Variants in OR2L8 observed in about 807,000 individuals in gnomAD.
OR2L8 encodes olfactory receptor family 2 subfamily L member 8.
For synonymous variants in OR2L8, 123 were observed against 138.6 expected (o/e 0.89, Z 0.79); for missense variants, 324 against 376.0 (o/e 0.86, Z 1.14).
rs972294674 is a variant in OR2L8, at chr1:247,949,793, G to A, written c.936G>A (p.Met312Ile). 6.2e-7 allele frequency: 1 copy of A among 1,608,100 alleles called. No homozygotes were observed. The highest frequency in any genetic ancestry group is 8.5e-7 in the Non-Finnish European group (1 of 1,176,070). The change falls in exon 1 of 1, where the codon ATG becomes ATA. Residue 312 changes from methionine (M) to isoleucine (I), a missense_variant. By Grantham distance (10) the Met-to-Ile change is conservative. Transcript: ENST00000623922. Reference sequence around the variant, plus strand: ...GTCAGAGAATCTGCTCTGTGAAAATGTAGAAACACTTTCTGCCTAAGGTCT... The same window carrying A: ...GTCAGAGAATCTGCTCTGTGAAAATATAGAAACACTTTCTGCCTAAGGTCT... ...RVSQRICSVK[M>I]
In OR2L8 at chr1:247,949,390, G is replaced by A. The variant is rs752780795; in HGVS notation, c.533G>A (p.Cys178Tyr). 1.2e-6 allele frequency: 2 copies of A among 1,614,110 alleles called. No individual in the cohort carries two copies. Among genetic ancestry groups the A allele is most frequent in the South Asian group, 2.2e-5 (2 of 91,082 alleles). The change falls in exon 1 of 1, where the codon TGT (cysteine) becomes TAT (tyrosine). Residue 178 changes from cysteine to tyrosine, a missense_variant. By Grantham distance (194) the Cys-to-Tyr change is radical. Coordinates refer to ENST00000623922, the MANE Select transcript of OR2L8 (RefSeq NM_001001963.1). ...TCCAGGGCCATCAATCATTTCTTCT[G>A]TGATGTCCCAGCAATGGTGACTCTG... is the stretch of plus-strand genomic sequence containing the variant. ...CRSRAINHFFCDVPAMVTLAC... is the reference protein window; with the variant it reads ...CRSRAINHFFYDVPAMVTLAC...
In OR2L8 at chr1:247,949,013, C is replaced by A. The variant is rs527380894; in HGVS notation, c.156C>A (p.Thr52=). 6 of 1,613,814 alleles carry A rather than the reference C, an allele frequency of 3.7e-6. No individual in the cohort carries two copies. In the African/African-American group the frequency reaches 8.0e-5, roughly 22 times the overall value. Reference sequence around the variant, plus strand: ...TGATTCTTCTCATCTTCTTGGACACCCATCTCCACACACCCATGTATTTCC... The same window carrying A: ...TGATTCTTCTCATCTTCTTGGACACACATCTCCACACACCCATGTATTTCC... ...LSMILLIFLD[T]HLHTPMYFLL... The change falls in exon 1 of 1, where the codon ACC becomes ACA. Residue 52 remains threonine (T), a synonymous_variant. Transcript: ENST00000623922.
chr1:247,949,737 A>G lies in OR2L8; in HGVS notation c.880A>G (p.Lys294Glu). 1 of 1,613,702 alleles carries G rather than the reference A, an allele frequency of 6.2e-7. No individual in the cohort carries two copies. Among genetic ancestry groups the G allele is most frequent in the Non-Finnish European group, 8.5e-7 (1 of 1,179,734 alleles). ...LNPIIYSLRN[K>E]EVMGALTRVS... ...CCCCATCATCTATAGCCTGAGGAAC[A>G]AGGAGGTGATGGGGGCCCTGACACG... Residue 294 changes from lysine (K) to glutamate (E), a missense_variant, in exon 1 of 1, where the codon AAG becomes GAG. Coordinates refer to ENST00000623922, the MANE Select transcript of OR2L8 (RefSeq NM_001001963.1).
Position 247,949,064 on chromosome 1 carries a change from C to G in OR2L8, c.207C>G (p.Asp69Glu). ...YFLLSQLSLI[D>E]LNYISTIVPK... ...TACTGAGTCAGCTCTCCCTCATTGACCTAAATTACATCTCCACCATTGTTC... is the reference window on the plus strand; with the variant it reads ...TACTGAGTCAGCTCTCCCTCATTGAGCTAAATTACATCTCCACCATTGTTC... Residue 69 changes from aspartate to glutamate, a missense_variant, in exon 1 of 1, where the codon GAC becomes GAG. Physicochemically the swap from Asp to Glu is conservative, Grantham distance 45 (BLOSUM62 2). Coordinates refer to ENST00000623922, the MANE Select transcript of OR2L8 (RefSeq NM_001001963.1). 1 of 1,613,932 alleles carries G rather than the reference C, an allele frequency of 6.2e-7. No individual in the cohort carries two copies. Among genetic ancestry groups the G allele is most frequent in the South Asian group, 1.1e-5 (1 of 91,080 alleles).
At position 247,949,313 on chromosome 1, in the gene OR2L8, G is replaced by C; in HGVS notation, c.456G>C (p.Ser152=). The C allele has an allele frequency of 6.2e-7, 1 of 1,614,152 alleles. No individual in the cohort carries two copies. Among genetic ancestry groups the C allele is most frequent in the Non-Finnish European group, 8.5e-7 (1 of 1,180,020 alleles). ...TAACAGGGTCTTGGATCATAGGCTC[G>C]ATCAATGCTTGTGCTCACACTGTAT... is the stretch of plus-strand genomic sequence containing the variant. ...LMITGSWIIG[S]INACAHTVYV... The change falls in exon 1 of 1, where the codon TCG becomes TCC. Residue 152 remains serine (S), a synonymous_variant. Coordinates refer to ENST00000623922, the MANE Select transcript of OR2L8 (RefSeq NM_001001963.1).
rs1265246917 is a variant in OR2L8, at chr1:247,949,504, C to T, written c.647C>T (p.Ser216Phe). The T allele has an allele frequency of 1.2e-6, 2 of 1,613,798 alleles. No homozygotes were observed. The highest frequency in any genetic ancestry group is 3.3e-5 in the Admixed American group (2 of 59,986). The change falls in exon 1 of 1, where the codon TCC becomes TTC. Residue 216 changes from serine (S) to phenylalanine (F), a missense_variant. Physicochemically the swap from Ser to Phe is radical, Grantham distance 155 (BLOSUM62 -2). Transcript: ENST00000623922. ...TTTCCCTTCATTGGTATTTCATGTTCCTATGGCCAGGTTCTCTTTGCTGTC... is the reference window on the plus strand; with the variant it reads ...TTTCCCTTCATTGGTATTTCATGTTTCTATGGCCAGGTTCTCTTTGCTGTC... Reference protein sequence around the residue: ...LVFPFIGISCSYGQVLFAVYH... With the variant: ...LVFPFIGISCFYGQVLFAVYH...
Position 247,949,138 on chromosome 1 carries a change from C to T in OR2L8, c.281C>T (p.Thr94Ile), listed in dbSNP as rs144976727. The T allele has an allele frequency of 3.7e-6, 6 of 1,613,938 alleles. 1 individual carries two copies. In the South Asian group the frequency reaches 6.6e-5, roughly 18 times the overall value. Residue 94 changes from threonine (T) to isoleucine (I), a missense_variant, in exon 1 of 1, where the codon ACT becomes ATT. Thr to Ile is a moderately conservative substitution (Grantham distance 89, BLOSUM62 -1). Coordinates refer to ENST00000623922, the MANE Select transcript of OR2L8 (RefSeq NM_001001963.1). Reference sequence around the variant, plus strand: ...CATGGAAACAAGTCTATCTCCTTCACTGGGTGTGGGATTCAGAGTTTCTTC... The same window carrying T: ...CATGGAAACAAGTCTATCTCCTTCATTGGGTGTGGGATTCAGAGTTTCTTC... ...FLHGNKSISF[T>I]GCGIQSFFFL...
chr1:247,949,313 G>A lies in OR2L8; in HGVS notation c.456G>A (p.Ser152=), dbSNP rs755129446. Reference sequence around the variant, plus strand: ...TAACAGGGTCTTGGATCATAGGCTCGATCAATGCTTGTGCTCACACTGTAT... The same window carrying A: ...TAACAGGGTCTTGGATCATAGGCTCAATCAATGCTTGTGCTCACACTGTAT... ...LMITGSWIIG[S]INACAHTVYV... Residue 152 remains serine (S), a synonymous_variant, in exon 1 of 1, where the codon TCG becomes TCA. Transcript: ENST00000623922. 54 of 1,614,034 alleles carry A rather than the reference G, an allele frequency of 3.3e-5. No homozygotes were observed. Among genetic ancestry groups the A allele is most frequent in the Middle Eastern group, 1.6e-4 (1 of 6,084 alleles).
rs547684252 is a variant in OR2L8, at chr1:247,949,714, C to T, written c.857C>T (p.Pro286Leu). The T allele has an allele frequency of 6.3e-5, 102 of 1,613,892 alleles. 1 individual carries two copies. The South Asian group carries it at 1.1e-3, about 17-fold the overall frequency. Residue 286 changes from proline (P) to leucine (L), a missense_variant, in exon 1 of 1, where the codon CCC becomes CTC. Coordinates refer to ENST00000623922, the MANE Select transcript of OR2L8 (RefSeq NM_001001963.1). The stretch of plus-strand genomic sequence containing the variant: ...ACCATCCTCACCCCAATGCTCAACC[C>T]CATCATCTATAGCCTGAGGAACAAG... ...FYTILTPMLN[P>L]IIYSLRNKEV...
In OR2L8 at chr1:247,949,534, A is replaced by C; in HGVS notation, c.677A>C (p.His226Pro). The C allele has an allele frequency of 6.2e-7, 1 of 1,612,128 alleles. No individual in the cohort carries two copies. Residue 226 changes from histidine to proline, a missense_variant, in exon 1 of 1, where the codon CAC (histidine) becomes CCC (proline). Transcript: ENST00000623922. The part of the protein sequence containing the change: ...SYGQVLFAVY[H>P]MKSAEGRKKA... ...GGCCAGGTTCTCTTTGCTGTCTACC[A>C]CATGAAATCTGCAGAAGGGAGGAAG...
Position 247,949,249 on chromosome 1 carries a change from A to G in OR2L8, c.392A>G (p.Tyr131Cys), listed in dbSNP as rs751730013. 44 of 1,614,062 alleles carry G rather than the reference A, an allele frequency of 2.7e-5. No individual in the cohort carries two copies. The highest frequency in any genetic ancestry group is 1.1e-4 in the African/African-American group (8 of 74,930). The change falls in exon 1 of 1, where the codon TAT (tyrosine) becomes TGT (cysteine). Residue 131 changes from tyrosine (Y) to cysteine (C), a missense_variant. Transcript: ENST00000623922. Reference sequence around the variant, plus strand: ...ATTGCTATTTGCTTTCCTCTCCACTATCTCATCCGCATGAGCAAAAGAGTG... The same window carrying G: ...ATTGCTATTTGCTTTCCTCTCCACTGTCTCATCCGCATGAGCAAAAGAGTG... Reference protein sequence around the residue: ...RYIAICFPLHYLIRMSKRVCV... With the variant: ...RYIAICFPLHCLIRMSKRVCV...
At position 247,949,144 on chromosome 1, in the gene OR2L8, G is replaced by A. The variant is rs978104186; in HGVS notation, c.287G>A (p.Cys96Tyr). 34 of 1,613,898 alleles carry A rather than the reference G, an allele frequency of 2.1e-5. No homozygotes were observed. Among genetic ancestry groups the A allele is most frequent in the South Asian group, 3.3e-5 (3 of 91,084 alleles). The change falls in exon 1 of 1, where the codon TGT becomes TAT. Residue 96 changes from cysteine (C) to tyrosine (Y), a missense_variant. By Grantham distance (194) the Cys-to-Tyr change is radical. Coordinates refer to ENST00000623922, the MANE Select transcript of OR2L8 (RefSeq NM_001001963.1). ...HGNKSISFTGCGIQSFFFLAL... is the reference protein window; with the variant it reads ...HGNKSISFTGYGIQSFFFLAL... ...AACAAGTCTATCTCCTTCACTGGGT[G>A]TGGGATTCAGAGTTTCTTCTTCTTG...
chr1:247,949,735 A>C lies in OR2L8; in HGVS notation c.878A>C (p.Asn293Thr). 1 of 1,613,816 alleles carries C rather than the reference A, an allele frequency of 6.2e-7. No homozygotes were observed. The highest frequency in any genetic ancestry group is 8.5e-7 in the Non-Finnish European group (1 of 1,179,792). The change falls in exon 1 of 1, where the codon AAC becomes ACC. Residue 293 changes from asparagine to threonine, a missense_variant. Transcript: ENST00000623922. ...MLNPIIYSLR[N>T]KEVMGALTRV... ...AACCCCATCATCTATAGCCTGAGGAACAAGGAGGTGATGGGGGCCCTGACA... is the reference window on the plus strand; with the variant it reads ...AACCCCATCATCTATAGCCTGAGGACCAAGGAGGTGATGGGGGCCCTGACA...
In OR2L8 at chr1:247,949,620, G is replaced by T. The variant is rs1401358091; in HGVS notation, c.763G>T (p.Val255Phe). 7 of 1,613,804 alleles carry T rather than the reference G, an allele frequency of 4.3e-6. No individual in the cohort carries two copies. The highest frequency in any genetic ancestry group is 5.9e-6 in the Non-Finnish European group (7 of 1,179,920). The change falls in exon 1 of 1, where the codon GTC becomes TTC. Residue 255 changes from valine (V) to phenylalanine (F), a missense_variant. By Grantham distance (50) the Val-to-Phe change is conservative. Transcript: ENST00000623922. ...TVVTFYYAPF[V>F]YTYLRPRSLR... ...AGTAACTTTCTACTATGCACCTTTT[G>T]TCTACACTTATCTACGTCCAAGATC...
chr1:247,949,558 A>G lies in OR2L8; in HGVS notation c.701A>G (p.Lys234Arg), dbSNP rs1203393415. The G allele has an allele frequency of 1.9e-6, 3 of 1,614,122 alleles. No homozygotes were observed. The Admixed American group carries it at 5.0e-5, about 27-fold the overall frequency. Residue 234 changes from lysine (K) to arginine (R), a missense_variant, in exon 1 of 1, where the codon AAG (lysine) becomes AGG (arginine). By Grantham distance (26) the Lys-to-Arg change is conservative. Coordinates refer to ENST00000623922, the MANE Select transcript of OR2L8 (RefSeq NM_001001963.1). ...VYHMKSAEGR[K>R]KAYLTCSTHL... ...CACATGAAATCTGCAGAAGGGAGGAAGAAAGCCTATTTGACCTGCAGCACC... is the reference window on the plus strand; with the variant it reads ...CACATGAAATCTGCAGAAGGGAGGAGGAAAGCCTATTTGACCTGCAGCACC...
Position 247,948,959 on chromosome 1 carries a change from C to A in OR2L8, c.102C>A (p.Phe34Leu), listed in dbSNP as rs1257084961. ...LFFFILIVFIFLMALIGNLSM... is the reference protein window; with the variant it reads ...LFFFILIVFILLMALIGNLSM... Reference sequence around the variant, plus strand: ...TCTTCATTCTCATTGTTTTCATTTTCCTGATGGCTCTAATTGGAAACCTGT... The same window carrying A: ...TCTTCATTCTCATTGTTTTCATTTTACTGATGGCTCTAATTGGAAACCTGT... The change falls in exon 1 of 1, where the codon TTC becomes TTA. Residue 34 changes from phenylalanine to leucine, a missense_variant. By Grantham distance (22) the Phe-to-Leu change is conservative (BLOSUM62 0). Transcript: ENST00000623922. 1.2e-6 allele frequency: 2 copies of A among 1,613,780 alleles called. No homozygotes were observed. The highest frequency in any genetic ancestry group is 2.7e-5 in the African/African-American group (2 of 74,916).
chr1:247,949,034 T>C lies in OR2L8; in HGVS notation c.177T>C (p.Tyr59=). The part of the protein sequence containing the change: ...FLDTHLHTPM[Y]FLLSQLSLID... ...ACACCCATCTCCACACACCCATGTATTTCCTACTGAGTCAGCTCTCCCTCA... is the reference window on the plus strand; with the variant it reads ...ACACCCATCTCCACACACCCATGTACTTCCTACTGAGTCAGCTCTCCCTCA... The change falls in exon 1 of 1, where the codon TAT becomes TAC. Residue 59 remains tyrosine, a synonymous_variant. Coordinates refer to ENST00000623922, the MANE Select transcript of OR2L8 (RefSeq NM_001001963.1). 1 of 1,613,974 alleles carries C rather than the reference T, an allele frequency of 6.2e-7. No individual in the cohort carries two copies.
At position 247,949,511 on chromosome 1, in the gene OR2L8, C is replaced by T. The variant is rs538920146; in HGVS notation, c.654C>T (p.Gly218=). 6.2e-7 allele frequency: 1 copy of T among 1,613,906 alleles called. No homozygotes were observed. The highest frequency in any genetic ancestry group is 1.7e-5 in the Admixed American group (1 of 60,004). The change falls in exon 1 of 1, where the codon GGC becomes GGT. Residue 218 remains glycine (G), a synonymous_variant. Coordinates refer to ENST00000623922, the MANE Select transcript of OR2L8 (RefSeq NM_001001963.1). ...FPFIGISCSY[G]QVLFAVYHMK... is the part of the protein sequence containing the mutation. Reference sequence around the variant, plus strand: ...TCATTGGTATTTCATGTTCCTATGGCCAGGTTCTCTTTGCTGTCTACCACA... The same window carrying T: ...TCATTGGTATTTCATGTTCCTATGGTCAGGTTCTCTTTGCTGTCTACCACA...
In OR2L8 at chr1:247,949,373, C is replaced by T; in HGVS notation, c.516C>T (p.Ala172=). Residue 172 remains alanine (A), a synonymous_variant, in exon 1 of 1, where the codon GCC becomes GCT. Transcript: ENST00000623922. ...ATATTCCTTATTGCCGATCCAGGGC[C>T]ATCAATCATTTCTTCTGTGATGTCC... ...VLHIPYCRSR[A]INHFFCDVPA... is the part of the protein sequence containing the mutation. The T allele has an allele frequency of 6.2e-7, 1 of 1,614,182 alleles. No homozygotes were observed. The highest frequency in any genetic ancestry group is 8.5e-7 in the Non-Finnish European group (1 of 1,180,030).
Sources: allele counts gnomAD v4.1 joint callset, GRCh38; gene constraint gnomAD v4.1.1; transcripts MANE v1.5; gene names NCBI Gene and HGNC (gene_info 2026-07-23, HGNC 2026-07-21).